Variants in CHRNA7 observed in about 807,000 individuals in gnomAD.
The protein encoded by CHRNA7 is neuronal acetylcholine receptor subunit alpha-7.
Under a neutral mutation model 48.0 loss-of-function variants are expected in CHRNA7, and 17 were observed. That is an observed-to-expected ratio of 0.35 (90% CI 0.24 to 0.53). The LOEUF (loss-of-function observed/expected upper bound fraction) is 0.53, where lower values mean the gene tolerates loss of function less well. Among genes scored for constraint, CHRNA7 ranks in the 20% least tolerant of loss-of-function variants. CHRNA7 has a pLI of 0.92. For missense variants in CHRNA7, 155 were observed against 577.7 expected, an observed-to-expected ratio of 0.27 and a Z score of 7.50; for synonymous variants, 75 against 242.3, an observed-to-expected ratio of 0.31 and a Z score of 6.41.
chr15:32,048,972 G>A (rs1170167741), intron 2 of CHRNA7, among the ~76,000 whole-genome samples: 3 of 147,798 alleles, frequency 2.0e-5, no homozygotes, highest in Middle Eastern at 3.4e-3. Context: ...CCACGTAGTT[G>A]AGCGGTTTTG....
At chr15:32,135,651 G>A (rs2051243340) in intron 4 of CHRNA7, among the ~76,000 whole-genome samples, 1 of 152,094 alleles carries the variant, frequency 6.6e-6, no homozygotes, top group Admixed American at 6.6e-5. Context: ...TTCAACAGAA[G>A]CCATGTCCCA....
chr15:32,147,376 A>G (rs1291665991), intron 4 of CHRNA7, among the ~76,000 whole-genome samples: 1 of 152,180 alleles, frequency 6.6e-6, no homozygotes, highest in Non-Finnish European at 1.5e-5. Flanking sequence ...AAACATGCAC[A>G]TGTATGTCCT....
rs960170256 is a variant in CHRNA7 at position 32,101,201 on chromosome 15, C to A, written c.196-102C>A. Reference sequence around the variant, plus strand: ...CTTGGTGCATTCTAATTTCCACACACAACAACGCTCTCGACAGTCAGATCC... The same window carrying A: ...CTTGGTGCATTCTAATTTCCACACAAAACAACGCTCTCGACAGTCAGATCC... On this transcript the variant is annotated intron_variant, in intron 2 of 9. Coordinates refer to ENST00000306901, the MANE Select transcript of CHRNA7 (RefSeq NM_000746.6). 10 of 1,271,846 alleles carry A rather than the reference C, an allele frequency of 7.9e-6. No homozygotes were observed. The Admixed American group carries it at 2.1e-4, about 27-fold the overall frequency. 78.8% of individuals were successfully genotyped at this position (1,271,846 alleles called of 1,614,324 possible).
intron 4 of CHRNA7, among the ~76,000 whole-genome samples, chr15:32,117,705 C>T (rs924280959): frequency 2.6e-4 from 40 of 152,176 alleles, no homozygotes; most frequent in African/African-American, 9.4e-4. Context: ...ACGTGGGCTG[C>T]GATGTATCTA....
intron 2 of CHRNA7, among the ~76,000 whole-genome samples, chr15:32,082,918 C>T (rs1004654293): frequency 1.3e-5 from 2 of 152,100 alleles, no homozygotes; most frequent in Non-Finnish European, 2.9e-5. Context: ...GTGGATCACT[C>T]GTGGTCAGGA....
chr15:32,049,702 G>A (rs1356162918), intron 2 of CHRNA7, among the ~76,000 whole-genome samples: 2 of 152,184 alleles, frequency 1.3e-5, no homozygotes, highest in East Asian at 1.9e-4. Flanking sequence ...ATGTTAGCTG[G>A]TTATTTTGCT....
chr15:32,113,719 A>G (rs778125798), intron 4 of CHRNA7, among the ~76,000 whole-genome samples: 2 of 152,176 alleles, frequency 1.3e-5, no homozygotes, highest in Non-Finnish European at 2.9e-5. Flanking sequence ...CTGCTTTTAG[A>G]ACAAGATGGT....
At chr15:32,096,283 T>A (rs1218960190) in intron 2 of CHRNA7, among the ~76,000 whole-genome samples, 3 of 152,220 alleles carry the variant, frequency 2.0e-5, no homozygotes, top group Non-Finnish European at 4.4e-5. Flanking sequence ...TTTATTGATA[T>A]CCTCTTGGTA....
chr15:32,054,291 G>A (rs1351021930), intron 2 of CHRNA7, among the ~76,000 whole-genome samples: 2 of 152,094 alleles, frequency 1.3e-5, no homozygotes, highest in African/African-American at 4.8e-5. Flanking sequence ...AAGTGCAAAT[G>A]GATGAAATTT....
chr15:32,114,057 T>C (rs1273791079), intron 4 of CHRNA7, among the ~76,000 whole-genome samples: 20 of 34,176 alleles, frequency 5.9e-4, no homozygotes, highest in South Asian at 1.9e-3. Flanking sequence ...TATATATATA[T>C]ATACATATAT....
At chr15:32,071,292 C>T (rs1057188584) in intron 2 of CHRNA7, among the ~76,000 whole-genome samples, 4 of 152,078 alleles carry the variant, frequency 2.6e-5, no homozygotes, top group Admixed American at 6.5e-5. Context: ...TTAGAACTAT[C>T]GTATGTATAT....
intron 4 of CHRNA7, among the ~76,000 whole-genome samples, chr15:32,121,637 A>G (rs1209159809): frequency 1.3e-5 from 2 of 152,300 alleles, no homozygotes; most frequent in South Asian, 2.1e-4. Context: ...GGTGTGGGCA[A>G]CTGTTCACGG....
chr15:32,042,926 TAAAC>T (rs910747823), intron 2 of CHRNA7, among the ~76,000 whole-genome samples: 44 of 152,262 alleles, frequency 2.9e-4, no homozygotes, highest in African/African-American at 9.6e-4. Flanking sequence ...GGAGCTAAAT[TAAAC>T]AAACCAAAAA....
At chr15:32,085,583 T>C (rs925794553) in intron 2 of CHRNA7, among the ~76,000 whole-genome samples, 1 of 152,242 alleles carries the variant, frequency 6.6e-6, no homozygotes, top group East Asian at 1.9e-4. Context: ...CCCTTGAGTG[T>C]ATGTTAAAAA....
chr15:32,050,958 G>T (rs1197030050), intron 2 of CHRNA7, among the ~76,000 whole-genome samples: 5 of 151,384 alleles, frequency 3.3e-5, no homozygotes, highest in Non-Finnish European at 7.4e-5. Flanking sequence ...CTGCAGAACC[G>T]CGGATTTTCA....
chr15:32,040,681 T>G (rs1363468608), intron 2 of CHRNA7, among the ~76,000 whole-genome samples: 1 of 151,884 alleles, frequency 6.6e-6, no homozygotes, highest in East Asian at 1.9e-4. Flanking sequence ...ATTTTTGCTA[T>G]TGTTACTTTG....
intron 2 of CHRNA7, among the ~76,000 whole-genome samples, chr15:32,093,106 T>G (rs999939871): frequency 3.3e-5 from 5 of 152,210 alleles, no homozygotes; most frequent in African/African-American, 1.2e-4. Context: ...AGATTTATCC[T>G]TTCTGTTCAA....
chr15:32,129,579 C>T (rs76658519), intron 4 of CHRNA7, among the ~76,000 whole-genome samples: 1 of 151,828 alleles, frequency 6.6e-6, no homozygotes, highest in African/African-American at 2.4e-5. Flanking sequence ...CTTTCCTCAT[C>T]ATTCTTTTGA....
chr15:32,098,257 G>A (rs1454928499), intron 2 of CHRNA7, among the ~76,000 whole-genome samples: 1 of 152,172 alleles, frequency 6.6e-6, no homozygotes, highest in Admixed American at 6.5e-5. Context: ...AGTGCAGCAG[G>A]GTCGGGACGT....
Sources: allele counts gnomAD v4.1 joint callset (sites outside exome capture counted in the v4.1 genomes callset), GRCh38; gene constraint gnomAD v4.1.1; transcripts MANE v1.5; gene names NCBI Gene and HGNC (gene_info 2026-07-23, HGNC 2026-07-21).